The following CCDC200 variants were observed in gnomAD, a reference collection of about 807,000 sequenced individuals.
CCDC200 encodes coiled-coil domain containing 200.
chr17:43,222,832 C>T (rs962247903), intron 3 of CCDC200, among the ~76,000 whole-genome samples: 13 of 149,002 alleles, frequency 8.7e-5, no homozygotes, highest in African/African-American at 2.0e-4. Flanking sequence ...TGAAGTGGCA[C>T]GATCTTGGCT....
chr17:43,222,605 C>G (rs75052377), intron 3 of CCDC200, among the ~76,000 whole-genome samples: 1 of 88,638 alleles, frequency 1.1e-5, no homozygotes, highest in Non-Finnish European at 2.4e-5. Flanking sequence ...TTTTTTTTTT[C>G]TTTCAGGGAG....
At chr17:43,223,157 T>C (rs1343531425) in intron 3 of CCDC200, among the ~76,000 whole-genome samples, 1 of 151,702 alleles carries the variant, frequency 6.6e-6, no homozygotes, top group Non-Finnish European at 1.5e-5. Flanking sequence ...GCTCAAGCGA[T>C]CCTCTCACCT....
chr17:43,223,615 C>T lies in CCDC200; in HGVS notation c.422-1G>A, dbSNP rs1488308406. On this transcript the variant is annotated splice_acceptor_variant, in intron 2 of 3. Transcript: ENST00000636331. LOFTEE classifies it high-confidence loss of function. ...CTAGATTGGCATGGGTTCATGAGAC[C>T]TGATGATGAAACAAAGTACAGGTTA... 1.3e-5 allele frequency: 2 copies of T among 152,392 alleles called. No individual in the cohort carries two copies. The highest frequency in any genetic ancestry group is 4.8e-5 in the African/African-American group (2 of 41,366). 9.4% of individuals were successfully genotyped at this position (152,392 alleles called of 1,614,324 possible).
chr17:43,230,899 C>A (rs1555617200), upstream of CCDC200, among the ~76,000 whole-genome samples: 383 of 87,172 alleles, frequency 4.4e-3, 22 homozygotes, highest in African/African-American at 0.011. Context: ...AAGAATGGCG[C>A]GAACCCAGGA....
chr17:43,224,109 T>C (rs2057551772), intron 2 of CCDC200, 125 bp downstream of exon 2: 1 of 152,780 alleles, frequency 6.5e-6, no homozygotes, highest in Non-Finnish European at 1.5e-5. Flanking sequence ...CTCCTCTCCT[T>C]ACCACCTCCC....
chr17:43,223,503 C>CTT (rs1382927229), intron 3 of CCDC200, 53 bp downstream of exon 3: 1 of 152,140 alleles, frequency 6.6e-6, no homozygotes, highest in South Asian at 2.1e-4. Context: ...CTCTCTCTCT[C>CTT]TTTCTTTCTG....
In CCDC200 at chr17:43,227,542, T is replaced by A. The variant is rs1428063852; in HGVS notation, c.105+908A>T. ...CTCTGTCACTCAGGTCAGAGTGCAGTGGCACTATCTTGGCTCACTGCAACC... is the reference window on the plus strand; with the variant it reads ...CTCTGTCACTCAGGTCAGAGTGCAGAGGCACTATCTTGGCTCACTGCAACC... On this transcript the variant is annotated intron_variant, in intron 1 of 3. Transcript: ENST00000636331. 5.9e-5 allele frequency among the ~76,000 whole-genome samples: 9 copies of A among 152,054 alleles called. No individual in the cohort carries two copies. In the East Asian group the frequency reaches 1.8e-3, roughly 30 times the overall value.
chr17:43,223,005 G>T (rs899429963), intron 3 of CCDC200, among the ~76,000 whole-genome samples: 1 of 151,842 alleles, frequency 6.6e-6, no homozygotes, highest in Admixed American at 6.6e-5. Flanking sequence ...TTGACCTCAT[G>T]ATCTGCCTGC....
chr17:43,224,755 C>G (rs1171294696), intron 1 of CCDC200: 1 of 152,246 alleles, frequency 6.6e-6, no homozygotes, highest in Non-Finnish European at 1.5e-5. Context: ...GTGGCACAGC[C>G]CCAGCCCAGG....
At chr17:43,223,459 T>TACACACACACACACACACACACCC (rs68102743) in intron 3 of CCDC200, 97 bp downstream of exon 3, 1 of 136,314 alleles carries the variant, frequency 7.3e-6, no homozygotes, top group African/African-American at 2.6e-5. Context: ...TTCTCTGGAC[T>TACACACACACACACACACACACCC]ACACACACAC....
At chr17:43,221,871 G>A (rs1329552120) in intron 3 of CCDC200, among the ~76,000 whole-genome samples, 2 of 152,114 alleles carry the variant, frequency 1.3e-5, no homozygotes, top group East Asian at 3.9e-4. Context: ...CACTTTGGGA[G>A]GCCAAGACGG....
intron 1 of CCDC200, among the ~76,000 whole-genome samples, chr17:43,225,776 C>T (rs1474922570): frequency 5.1e-5 from 7 of 137,742 alleles, no homozygotes; most frequent in Non-Finnish European, 3.1e-5. Flanking sequence ...TTCTGTCCCC[C>T]AGGCTGGAGT....
At chr17:43,222,494 T>G (rs2057539654) in intron 3 of CCDC200, among the ~76,000 whole-genome samples, 2 of 152,162 alleles carry the variant, frequency 1.3e-5, no homozygotes, top group African/African-American at 4.8e-5. Flanking sequence ...ATTGCCATAT[T>G]CAGTCCTCAT....
intron 1 of CCDC200, among the ~76,000 whole-genome samples, chr17:43,226,925 G>A (rs1460927171): frequency 6.6e-6 from 1 of 152,052 alleles, no homozygotes; most frequent in African/African-American, 2.4e-5. Context: ...TCCCAAACAT[G>A]CTTAAAATTT....
intron 1 of CCDC200, among the ~76,000 whole-genome samples, chr17:43,225,496 C>T (rs879586996): frequency 2.8e-4 from 41 of 148,064 alleles, no homozygotes; most frequent in Non-Finnish European, 4.9e-4. Context: ...AACCCCGTCT[C>T]TACTAAAAAT....
rs565604339 is a variant in CCDC200 at position 43,223,024 on chromosome 17, C to CT, written c.480+531dup. On this transcript the variant is annotated intron_variant, in intron 3 of 3. Transcript: ENST00000636331. ...CCTCATGATCTGCCTGCCTCAGCCC[C>CT]TCAAAGTGCTGGGATTACAGGTGTG... Among the ~76,000 whole-genome samples the CT allele has an allele frequency of 1.9e-3, 291 of 152,018 alleles. 3 individuals are homozygous for CT. The highest frequency in any genetic ancestry group is 6.4e-3 in the African/African-American group (264 of 41,478).
At chr17:43,227,268 T>C (rs77902411) in intron 1 of CCDC200, among the ~76,000 whole-genome samples, 1 of 150,970 alleles carries the variant, frequency 6.6e-6, no homozygotes, top group African/African-American at 2.4e-5. Context: ...TGTGAGCCAC[T>C]GTGCCCGGCT....
chr17:43,222,442 C>T (rs1380309669), intron 3 of CCDC200, among the ~76,000 whole-genome samples: 2 of 152,220 alleles, frequency 1.3e-5, no homozygotes, highest in Admixed American at 6.5e-5. Flanking sequence ...GCTGGGATTT[C>T]AGGCATGGGC....
rs1321856057 is a variant in CCDC200, at chr17:43,221,432, A to G, written c.*139T>C. 6.6e-6 allele frequency: 1 copy of G among 152,522 alleles called. No individual in the cohort carries two copies. The highest frequency in any genetic ancestry group is 1.9e-4 in the East Asian group (1 of 5,192). The allele number at this position is 152,522 out of a possible 1,614,324, so 9.4% of individuals were successfully genotyped here. A position where few individuals can be genotyped will look rare whatever the true frequency, so the allele number is the denominator to read the frequency against. Reference sequence around the variant, plus strand: ...GGTCCCGTGATTCTTCCCAGGAAAAAAATTACATTTTATTCCTGGCAGCCT... The same window carrying G: ...GGTCCCGTGATTCTTCCCAGGAAAAGAATTACATTTTATTCCTGGCAGCCT... On this transcript the variant is annotated 3_prime_UTR_variant, in exon 4 of 4. Coordinates refer to ENST00000636331, the MANE Select transcript of CCDC200 (RefSeq NM_001363254.2).
Sources: allele counts gnomAD v4.1 joint callset (sites outside exome capture counted in the v4.1 genomes callset), GRCh38; gene constraint gnomAD v4.1.1; transcripts MANE v1.5; gene names NCBI Gene and HGNC (gene_info 2026-07-23, HGNC 2026-07-21).